Variants in FBXL5 observed in about 807,000 individuals in gnomAD.
FBXL5 encodes F-box and leucine rich repeat protein 5.
In FBXL5, 26 loss-of-function variants were observed where a neutral mutation model predicts 78.3. The ratio of observed to expected loss-of-function variants is 0.33; its 90% confidence interval spans 0.24 to 0.46. The LOEUF (loss-of-function observed/expected upper bound fraction) is 0.46. Ranked by LOEUF, FBXL5 falls within the 20% of genes least tolerant of loss-of-function variation. FBXL5 has a pLI of 1.00. For synonymous variants in FBXL5, 295 were observed against 282.5 expected (o/e 1.04, Z -0.45); for missense variants, 710 against 829.2 (o/e 0.86, Z 1.77).
Position 15,652,969 on chromosome 4 carries a change from T to G in FBXL5, c.84+2235A>C, listed in dbSNP as rs549700196. ...AAATGGATAAAAACAAACAAGGTAC[T>G]CTTCCTTTAATTCCTTTAAGATTAC... On this transcript the variant is annotated intron_variant, in intron 1 of 10. Transcript: ENST00000341285. 5.3e-5 allele frequency among the ~76,000 whole-genome samples: 8 copies of G among 152,340 alleles called. 1 individual carries two copies. The highest frequency in any genetic ancestry group is 5.2e-4 in the Admixed American group (8 of 15,312).
upstream of FBXL5, chr4:15,659,661 T>C (rs1717212768): frequency 1.2e-6 from 1 of 839,790 alleles, no homozygotes; most frequent in East Asian, 1.2e-4. Flanking sequence ...TCCATAAAGT[T>C]TCCTTGCAAA....
At chr4:15,620,682 C>A (rs2148557057) in intron 9 of FBXL5, among the ~76,000 whole-genome samples, 1 of 152,340 alleles carries the variant, frequency 6.6e-6, no homozygotes, top group African/African-American at 2.4e-5. Context: ...CCAAAACTGG[C>A]CATAAACAAA....
Position 15,625,908 on chromosome 4 carries a change from A to G in FBXL5, c.1194T>C (p.Asp398=), listed in dbSNP as rs1713004102. ...LDLSGCEKIT[D]VALEKISRAL... ...CTCTGGAAATCTTCTCTAGGGCCAC[A>G]TCTGTGATTTTCTCACAACCAGACA... is the stretch of plus-strand genomic sequence containing the variant. Residue 398 remains aspartate, a synonymous_variant, in exon 9 of 11, where the codon GAT becomes GAC. Coordinates refer to ENST00000341285, the MANE Select transcript of FBXL5 (RefSeq NM_012161.4). 1.9e-6 allele frequency: 3 copies of G among 1,613,880 alleles called. No homozygotes were observed. The highest frequency in any genetic ancestry group is 2.5e-6 in the Non-Finnish European group (3 of 1,179,948).
intron 1 of FBXL5, among the ~76,000 whole-genome samples, chr4:15,676,228 T>C (rs1345078156): frequency 1.3e-5 from 2 of 152,234 alleles, no homozygotes; most frequent in Admixed American, 1.3e-4. Flanking sequence ...CCTCCTGATA[T>C]GATGCAATAG....
At chr4:15,643,130 T>A (rs938397131) in intron 2 of FBXL5, among the ~76,000 whole-genome samples, 1 of 152,212 alleles carries the variant, frequency 6.6e-6, no homozygotes, top group Non-Finnish European at 1.5e-5. Context: ...CTCCCTTCTA[T>A]TAATATTACT....
At chr4:15,663,659 T>C (rs1717412563), upstream of FBXL5, among the ~76,000 whole-genome samples, 1 of 152,198 alleles carries the variant, frequency 6.6e-6, no homozygotes, top group African/African-American at 2.4e-5. Context: ...TAAATGAGAT[T>C]ATATAGTCAA....
intron 1 of FBXL5, 51 bp from the exon 2 acceptor site, chr4:15,644,759 C>G (rs1160152039): frequency 6.8e-6 from 9 of 1,327,232 alleles, no homozygotes; most frequent in Non-Finnish European, 9.4e-6. Flanking sequence ...CAAATATGCA[C>G]AAATAAAAAA....
intron 5 of FBXL5, among the ~76,000 whole-genome samples, chr4:15,634,035 T>C (rs1296280575): frequency 6.6e-6 from 1 of 152,144 alleles, no homozygotes; most frequent in Non-Finnish European, 1.5e-5. Flanking sequence ...CCCTGGCCTC[T>C]ACCTACTAGA....
chr4:15,679,463 T>C (rs1479556635), intron 1 of FBXL5, among the ~76,000 whole-genome samples: 1 of 151,706 alleles, frequency 6.6e-6, no homozygotes, highest in Admixed American at 6.6e-5. Flanking sequence ...GCTTCTGTCA[T>C]GGAGCAAGGA....
rs574221572 is a variant in FBXL5, at chr4:15,644,448, G to A, written c.300+45C>T. 1.8e-5 allele frequency: 27 copies of A among 1,510,092 alleles called. No individual in the cohort carries two copies. The South Asian group carries it at 3.0e-4, about 17-fold the overall frequency. 93.5% of individuals were successfully genotyped at this position (1,510,092 alleles called of 1,614,324 possible). A position where few individuals can be genotyped will look rare whatever the true frequency, so the allele number is the denominator to read the frequency against. ...AAGTTTTGCCAATGATATACCAGAA[G>A]ATGGCACAAGTTTTGACAGTTGAAT... On this transcript the variant is annotated intron_variant, in intron 2 of 10. Transcript: ENST00000341285.
intron 1 of FBXL5, among the ~76,000 whole-genome samples, chr4:15,648,320 T>C (rs1029175397): frequency 2.0e-5 from 3 of 152,302 alleles, no homozygotes; most frequent in East Asian, 1.9e-4. Context: ...GAAAACAGTA[T>C]GGAAATTCCT....
intron 9 of FBXL5, among the ~76,000 whole-genome samples, chr4:15,613,609 C>A (rs1722419171): frequency 6.6e-6 from 1 of 151,838 alleles, no homozygotes; most frequent in South Asian, 2.1e-4. Context: ...TTCTTGGAAG[C>A]TTTGTTCATT....
chr4:15,670,651 G>C (rs1717724536), intron 1 of FBXL5, among the ~76,000 whole-genome samples: 1 of 150,852 alleles, frequency 6.6e-6, no homozygotes, highest in Non-Finnish European at 1.5e-5. Context: ...CCCCACAAAA[G>C]AAACACTGGG....
At chr4:15,625,167 A>C in intron 9 of FBXL5, 85 bp downstream of exon 9, 1 of 1,437,732 alleles carries the variant, frequency 7.0e-7, no homozygotes, top group Non-Finnish European at 9.2e-7. Context: ...ATCAACTGAA[A>C]AGAATGACTT....
chr4:15,628,474 G>GT (rs975292668), intron 6 of FBXL5, among the ~76,000 whole-genome samples: 2 of 151,972 alleles, frequency 1.3e-5, no homozygotes, highest in African/African-American at 2.4e-5. Flanking sequence ...ATGTACTACT[G>GT]TAACATCCAC....
intron 1 of FBXL5, among the ~76,000 whole-genome samples, chr4:15,671,010 G>A (rs537340696): frequency 1.2e-4 from 16 of 129,256 alleles, no homozygotes; most frequent in African/African-American, 8.9e-5. Context: ...TATAACCTCC[G>A]CCTCCTGGGT....
intron 9 of FBXL5, among the ~76,000 whole-genome samples, chr4:15,615,988 G>A (rs967296267): frequency 2.6e-5 from 4 of 152,084 alleles, no homozygotes; most frequent in Non-Finnish European, 5.9e-5. Flanking sequence ...CACTCACCGC[G>A]AAGATCTGCA....
Position 15,612,259 on chromosome 4 carries a change from GCATT to G in FBXL5, c.1999+3_1999+6del. On this transcript the variant is annotated splice_donor_5th_base_variant and intron_variant, in intron 10 of 10. Transcript: ENST00000341285. ...TTCAAAATTATCGCACTGTTAAAAG[GCATT>G]ACCGTTAATGTTGTCACAGTAGTAA... The G allele has an allele frequency of 1.3e-6, 2 of 1,568,258 alleles. No homozygotes were observed. Among genetic ancestry groups the G allele is most frequent in the African/African-American group, 1.6e-5 (1 of 64,426 alleles).
intron 1 of FBXL5, 36 bp downstream of exon 1, chr4:15,655,167 CG>C: frequency 7.4e-7 from 1 of 1,350,208 alleles, no homozygotes; most frequent in Non-Finnish European, 9.8e-7. Context: ...CATCGCCGCC[CG>C]CACCGCCCAC....
Sources: gnomAD v4.1 joint callset for allele counts (sites outside exome capture counted in the v4.1 genomes callset) on GRCh38, gnomAD v4.1.1 for gene constraint, MANE v1.5 for transcripts, NCBI Gene and HGNC (gene_info 2026-07-23, HGNC 2026-07-21) for gene names.